The following PDE8A variants were observed in gnomAD, a reference collection of about 807,000 sequenced individuals.
The protein encoded by PDE8A is phosphodiesterase 8A, also known as high affinity cAMP-specific and IBMX-insensitive 3',5'-cyclic phosphodiesterase 8A.
A neutral mutation model predicts 105.0 loss-of-function variants in PDE8A; 59 were observed. The ratio of observed to expected loss-of-function variants is 0.56; its 90% CI spans 0.46 to 0.70. The LOEUF (loss-of-function observed/expected upper bound fraction) is 0.70. PDE8A is among the 30% of genes least tolerant of loss of function. The pLI is 0.00. For synonymous variants in PDE8A, 355 were observed against 371.9 expected (o/e 0.95, Z 0.52); for missense variants, 1,014 against 1,045.9 (o/e 0.97, Z 0.42).
chr15:85,117,427 C>T (rs1055805928), intron 16 of PDE8A, among the ~76,000 whole-genome samples: 8 of 152,180 alleles, frequency 5.3e-5, no homozygotes, highest in African/African-American at 1.4e-4. Context: ...CTGCTGTGGG[C>T]AGCCAGCTCT....
intron 1 of PDE8A, among the ~76,000 whole-genome samples, chr15:84,990,801 G>T (rs2079874418): frequency 6.6e-6 from 1 of 152,180 alleles, no homozygotes; most frequent in African/African-American, 2.4e-5. Context: ...TTAAGAAACT[G>T]CTTGACCTTT....
intron 1 of PDE8A, among the ~76,000 whole-genome samples, chr15:85,030,548 C>G (rs999207707): frequency 6.6e-6 from 1 of 152,108 alleles, no homozygotes; most frequent in Non-Finnish European, 1.5e-5. Context: ...AAGTGCTTGC[C>G]TGGCTGCAGC....
At chr15:85,048,339 T>C (rs1187392347) in intron 1 of PDE8A, among the ~76,000 whole-genome samples, 6 of 152,172 alleles carry the variant, frequency 3.9e-5, no homozygotes. Context: ...AAATATTTTC[T>C]TTCTTTCCAT....
chr15:85,123,311 C>T, intron 19 of PDE8A, 118 bp downstream of exon 19: 1 of 790,638 alleles, frequency 1.3e-6, no homozygotes, highest in Middle Eastern at 2.4e-4. Context: ...GTCTATTAGA[C>T]TCTTACAGGG....
Position 85,067,857 on chromosome 15 carries a change from G to C in PDE8A, c.434+653G>C, listed in dbSNP as rs143937156. 1.3e-3 allele frequency among the ~76,000 whole-genome samples: 201 copies of C among 152,224 alleles called. 1 individual carries two copies. Among genetic ancestry groups the C allele is most frequent in the African/African-American group, 4.5e-3 (185 of 41,534 alleles). ...GGGGTATGTGGTGACGTCAACATGG[G>C]TTTGTTTCCTTGGTGTTGAGAACTC... is the stretch of plus-strand genomic sequence containing the variant. On this transcript the variant is annotated intron_variant, in intron 3 of 21. Coordinates refer to ENST00000394553, the MANE Select transcript of PDE8A (RefSeq NM_002605.3).
chr15:85,062,578 C>G (rs1283289147), intron 1 of PDE8A: 1 of 152,232 alleles, frequency 6.6e-6, no homozygotes, highest in Non-Finnish European at 1.5e-5. Context: ...GTCTGCACCT[C>G]TGTATCAGTG....
intron 1 of PDE8A, among the ~76,000 whole-genome samples, 157 bp downstream of exon 1, chr15:84,982,505 C>T (rs1028867790): frequency 8.5e-5 from 13 of 152,198 alleles, no homozygotes; most frequent in African/African-American, 3.1e-4. Flanking sequence ...CCCGCCTTGC[C>T]GGGGCAGCGT....
At chr15:85,115,812 C>G in intron 15 of PDE8A, 172 bp from the exon 16 acceptor site, 1 of 609,428 alleles carries the variant, frequency 1.6e-6, no homozygotes, top group South Asian at 2.0e-5. Flanking sequence ...TCCCACTACT[C>G]AGGAGGCTGA....
chr15:85,101,828 C>T (rs1036090906), intron 11 of PDE8A, among the ~76,000 whole-genome samples: 1 of 152,054 alleles, frequency 6.6e-6, no homozygotes, highest in African/African-American at 2.4e-5. Context: ...TGTTTCTGAG[C>T]CTGGAGATTC....
At chr15:85,070,640 G>A (rs370736624) in intron 3 of PDE8A, among the ~76,000 whole-genome samples, 2 of 152,172 alleles carry the variant, frequency 1.3e-5, no homozygotes, top group African/African-American at 2.4e-5. Flanking sequence ...GGACATCCGG[G>A]CACCTCTGCT....
chr15:85,124,385 T>C (rs2082228066), intron 19 of PDE8A, among the ~76,000 whole-genome samples: 1 of 152,160 alleles, frequency 6.6e-6, no homozygotes, highest in African/African-American at 2.4e-5. Flanking sequence ...CCTCTTCCTT[T>C]GAGGCCCACA....
chr15:85,111,286 C>T (rs76234552), intron 12 of PDE8A, among the ~76,000 whole-genome samples: 4,184 of 152,198 alleles, frequency 0.027, 93 homozygotes, highest in Non-Finnish European at 0.044. Context: ...TTTAAGAAAT[C>T]GTTCTTTATC....
intron 1 of PDE8A, among the ~76,000 whole-genome samples, chr15:85,007,425 C>A (rs7175477): frequency 6.7e-6 from 1 of 149,234 alleles, no homozygotes; most frequent in Non-Finnish European, 1.5e-5. Context: ...TCTAGTATGC[C>A]GGTAATGTTG....
intron 1 of PDE8A, among the ~76,000 whole-genome samples, chr15:85,019,116 A>G (rs746446757): frequency 1.2e-4 from 19 of 152,144 alleles, no homozygotes; most frequent in Non-Finnish European, 2.1e-4. Flanking sequence ...GCAGTTCACT[A>G]TTGTGAACTT....
chr15:85,046,308 C>T (rs908499872), intron 1 of PDE8A, among the ~76,000 whole-genome samples: 1 of 152,120 alleles, frequency 6.6e-6, no homozygotes, highest in African/African-American at 2.4e-5. Flanking sequence ...CTCGGCCTCC[C>T]AAAGTGCTGG....
intron 9 of PDE8A, among the ~76,000 whole-genome samples, chr15:85,098,995 A>T (rs1364257881): frequency 1.3e-5 from 2 of 152,190 alleles, no homozygotes; most frequent in African/African-American, 4.8e-5. Context: ...AAAGGTTATG[A>T]TACAATGTTA....
At chr15:84,997,131 T>C (rs1047521714) in intron 1 of PDE8A, among the ~76,000 whole-genome samples, 13 of 152,218 alleles carry the variant, frequency 8.5e-5, no homozygotes, top group Admixed American at 8.5e-4. Context: ...CGTGAACATA[T>C]TGTATAGCTG....
At chr15:85,029,759 G>C (rs2080581256) in intron 1 of PDE8A, among the ~76,000 whole-genome samples, 1 of 152,128 alleles carries the variant, frequency 6.6e-6, no homozygotes, top group Non-Finnish European at 1.5e-5. Context: ...GTGTTAGATG[G>C]TATCAGTTAG....
intron 20 of PDE8A, among the ~76,000 whole-genome samples, chr15:85,127,507 T>C (rs749609923): frequency 4.6e-5 from 7 of 152,142 alleles, no homozygotes; most frequent in Admixed American, 1.3e-4. Flanking sequence ...CAAAAGTGAG[T>C]TGTATTTTAT....
Sources: allele counts gnomAD v4.1 joint callset (sites outside exome capture counted in the v4.1 genomes callset), GRCh38; gene constraint gnomAD v4.1.1; transcripts MANE v1.5; gene names NCBI Gene and HGNC (gene_info 2026-07-23, HGNC 2026-07-21).